GRAMD1B: variants seen among roughly 807,000 people sequenced by gnomAD.
GRAMD1B encodes GRAM domain containing 1B, also known as protein Aster-B.
GRAMD1B carries 37 observed loss-of-function variants against 99.7 expected under a neutral mutation model. The observed-to-expected ratio is 0.37, with a 90% CI of 0.29 to 0.49. The LOEUF is 0.49. GRAMD1B is among the 20% of genes least tolerant of loss of function. The probability of loss-of-function intolerance (pLI) is 0.98; values close to 1 mark genes in which losing one functional copy is unlikely to be tolerated. For missense variants in GRAMD1B, 888 were observed against 1,009.2 expected (o/e 0.88, Z 1.63); for synonymous variants, 427 against 387.6 (o/e 1.10, Z -1.19).
At chr11:123,383,649 A>G (rs1946960799) in intron 1 of GRAMD1B, among the ~76,000 whole-genome samples, 1 of 151,878 alleles carries the variant, frequency 6.6e-6, no homozygotes, top group Non-Finnish European at 1.5e-5. Flanking sequence ...CTTCTTTCCT[A>G]CATCATTAAT....
chr11:123,582,266 G>A (rs903165941), intron 3 of GRAMD1B, among the ~76,000 whole-genome samples: 5 of 152,242 alleles, frequency 3.3e-5, no homozygotes, highest in Non-Finnish European at 4.4e-5. Context: ...AGGCGCAGAC[G>A]CCAGACGCAG....
intron 1 of GRAMD1B, among the ~76,000 whole-genome samples, chr11:123,437,088 C>A (rs1049999930): frequency 6.6e-6 from 1 of 152,102 alleles, no homozygotes; most frequent in Non-Finnish European, 1.5e-5. Flanking sequence ...TGAACTCATC[C>A]TTTTTTATGG....
chr11:123,450,937 A>C (rs1949860900), intron 1 of GRAMD1B, among the ~76,000 whole-genome samples: 1 of 152,278 alleles, frequency 6.6e-6, no homozygotes, highest in Non-Finnish European at 1.5e-5. Flanking sequence ...AGTGTAATGA[A>C]AGCCTGGAAA....
chr11:123,480,482 G>A (rs1335141101), intron 1 of GRAMD1B, among the ~76,000 whole-genome samples: 1 of 152,152 alleles, frequency 6.6e-6, no homozygotes, highest in African/African-American at 2.4e-5. Context: ...TCCCATCAGA[G>A]AGAGGAAGAG....
At position 123,456,657 on chromosome 11, in the gene GRAMD1B, C is replaced by T. The variant is rs111764638; in HGVS notation, c.375-24159C>T. Reference sequence around the variant, plus strand: ...AGGTGTGGCCAGGCGCAATGACTCACGCCTATAATTCCAGCACTTTGGGAG... The same window carrying T: ...AGGTGTGGCCAGGCGCAATGACTCATGCCTATAATTCCAGCACTTTGGGAG... On this transcript the variant is annotated intron_variant, in intron 1 of 19. Coordinates refer to ENST00000635736, the MANE Select transcript of GRAMD1B (RefSeq NM_001387025.1). Among the ~76,000 whole-genome samples, 1,507 of 151,852 alleles carry T rather than the reference C, an allele frequency of 9.9e-3. 26 individuals are homozygous for T. Among genetic ancestry groups the T allele is most frequent in the African/African-American group, 0.034 (1,387 of 41,384 alleles).
chr11:123,372,339 A>G (rs1015354166), intron 1 of GRAMD1B, among the ~76,000 whole-genome samples: 1 of 152,206 alleles, frequency 6.6e-6, no homozygotes, highest in African/African-American at 2.4e-5. Context: ...CCATTTAGGA[A>G]CCTAGATTCA....
intron 1 of GRAMD1B, among the ~76,000 whole-genome samples, chr11:123,383,789 A>AATATATATAT (rs113677613): frequency 4.8e-5 from 7 of 147,044 alleles, no homozygotes; most frequent in African/African-American, 1.5e-4. Context: ...TCCCTTCATG[A>AATATATATAT]ATATATATAT....
intron 3 of GRAMD1B, among the ~76,000 whole-genome samples, chr11:123,580,310 T>C (rs534581709): frequency 6.6e-6 from 1 of 152,260 alleles, no homozygotes; most frequent in South Asian, 2.1e-4. Flanking sequence ...AAGAGGAGGT[T>C]CTGGTAGCGG....
At chr11:123,618,932 A>T (rs1954789289) in intron 18 of GRAMD1B, 132 bp downstream of exon 18, 2 of 710,184 alleles carry the variant, frequency 2.8e-6, no homozygotes, top group South Asian at 3.3e-5. Context: ...GGAAACTCAG[A>T]ATCTCTCCCT....
chr11:123,434,658 C>T lies in GRAMD1B; in HGVS notation c.374+3492C>T, dbSNP rs536089271. Among the ~76,000 whole-genome samples the T allele has an allele frequency of 3.9e-5, 6 of 152,152 alleles. No individual in the cohort carries two copies. In the South Asian group the frequency reaches 6.2e-4, roughly 16 times the overall value. Reference sequence around the variant, plus strand: ...CAAAAATTAGCTGGACATGGTAGTGCGCGCCTGTAATCCCAGCTACTCAGG... The same window carrying T: ...CAAAAATTAGCTGGACATGGTAGTGTGCGCCTGTAATCCCAGCTACTCAGG... On this transcript the variant is annotated intron_variant, in intron 1 of 19. Coordinates refer to ENST00000635736, the MANE Select transcript of GRAMD1B (RefSeq NM_001387025.1).
At chr11:123,414,305 A>G (rs2714057) in intron 1 of GRAMD1B, among the ~76,000 whole-genome samples, 30,565 of 152,074 alleles carry the variant, frequency 0.2, 3,341 homozygotes, top group African/African-American at 0.26. Context: ...TTGGCCTCCC[A>G]AAGTGTTGGG....
intron 2 of GRAMD1B, among the ~76,000 whole-genome samples, chr11:123,488,770 A>G (rs1241352352): frequency 2.0e-5 from 3 of 152,140 alleles, no homozygotes; most frequent in Non-Finnish European, 4.4e-5. Context: ...CTAGAAGTGT[A>G]TCTCATGAGA....
chr11:123,606,350 T>G (rs1952717049), intron 10 of GRAMD1B, among the ~76,000 whole-genome samples: 1 of 152,190 alleles, frequency 6.6e-6, no homozygotes, highest in African/African-American at 2.4e-5. Context: ...CCTGGGCCTG[T>G]GGGGACCAGC....
Position 123,548,284 on chromosome 11 carries a change from G to C in GRAMD1B, c.453-29083G>C, listed in dbSNP as rs1225514638. 1.1e-4 allele frequency among the ~76,000 whole-genome samples: 13 copies of C among 120,496 alleles called. No homozygotes were observed. The East Asian group carries it at 3.0e-3, about 28-fold the overall frequency. 79.1% of individuals were successfully genotyped at this position (120,496 alleles called of 152,430 possible). ...AGGTTTAAATTGGAAGAGTCAGGCT[G>C]TGCCAAAATATATATATATATATAT... is the stretch of plus-strand genomic sequence containing the variant. On this transcript the variant is annotated intron_variant, in intron 2 of 19. Transcript: ENST00000635736.
chr11:123,498,022 G>A (rs1002912940), intron 2 of GRAMD1B, among the ~76,000 whole-genome samples: 11 of 151,726 alleles, frequency 7.2e-5, no homozygotes, highest in African/African-American at 2.7e-4. Flanking sequence ...CACCACCACC[G>A]GCCAACAGGG....
At position 123,460,704 on chromosome 11, in the gene GRAMD1B, G is replaced by A. The variant is rs562503466; in HGVS notation, c.375-20112G>A. 2.6e-5 allele frequency among the ~76,000 whole-genome samples: 4 copies of A among 152,314 alleles called. No individual in the cohort carries two copies. In the South Asian group the frequency reaches 8.3e-4, roughly 32 times the overall value. ...TGGTTGGGTCAGCAGGATTTGGGGG[G>A]CGGACAGGAGTGGGGCAGGGAAGGG... On this transcript the variant is annotated intron_variant, in intron 1 of 19. Transcript: ENST00000635736.
Position 123,492,858 on chromosome 11 carries a change from TCACACATACA to T in GRAMD1B, c.452+11972_452+11981del, listed in dbSNP as rs1457551792. 1.1e-4 allele frequency among the ~76,000 whole-genome samples: 14 copies of T among 131,798 alleles called. 1 individual carries two copies. The highest frequency in any genetic ancestry group is 2.8e-4 in the African/African-American group (10 of 36,302). 86.5% of individuals were successfully genotyped at this position (131,798 alleles called of 152,430 possible). On this transcript the variant is annotated intron_variant, in intron 2 of 19. Transcript: ENST00000635736. The surrounding 1 kb of genome is among the most constrained non-coding windows in gnomAD (Gnocchi z 4.2). Reference sequence around the variant, plus strand: ...CTCTCTCTCTCTCTGTCTCTCTCTTTCACACATACACACACACACACACACACACACACAC... The same window carrying T: ...CTCTCTCTCTCTCTGTCTCTCTCTTTCACACACACACACACACACACACAC...
At chr11:123,602,475 T>C (rs1952110871) in intron 8 of GRAMD1B, among the ~76,000 whole-genome samples, 1 of 152,194 alleles carries the variant, frequency 6.6e-6, no homozygotes, top group Non-Finnish European at 1.5e-5. Context: ...GCACCCAAAT[T>C]CTTTAGGAAG....
intron 1 of GRAMD1B, among the ~76,000 whole-genome samples, chr11:123,399,614 A>G (rs1259748626): frequency 6.6e-6 from 1 of 151,336 alleles, no homozygotes; most frequent in Non-Finnish European, 1.5e-5. Context: ...TTTTGTATTT[A>G]TTTATTTATT....
Sources: allele counts gnomAD v4.1 joint callset (sites outside exome capture counted in the v4.1 genomes callset), GRCh38; gene constraint gnomAD v4.1.1; non-coding constraint Gnocchi (gnomAD v3.1); transcripts MANE v1.5; gene names NCBI Gene and HGNC (gene_info 2026-07-23, HGNC 2026-07-21).